The following BCAS3 variants were observed in gnomAD, a reference collection of about 807,000 sequenced individuals.
BCAS3 encodes the protein BCAS3 microtubule associated cell migration factor, also known as BCAS4/BCAS3 fusion.
A neutral mutation model predicts 116.1 loss-of-function variants in BCAS3; 53 were observed. The observed-to-expected ratio is 0.46, with a 90% CI of 0.37 to 0.57. The LOEUF (loss-of-function observed/expected upper bound fraction) is 0.57. BCAS3 is among the 20% of genes least tolerant of loss of function. BCAS3 has a pLI of 0.00. For missense variants in BCAS3, 917 were observed against 1,165.4 expected (o/e 0.79, Z 3.10); for synonymous variants, 391 against 408.2 (o/e 0.96, Z 0.51).
chr17:60,898,180 T>C (rs1347572529), intron 10 of BCAS3, among the ~76,000 whole-genome samples: 1 of 152,192 alleles, frequency 6.6e-6, no homozygotes, highest in Non-Finnish European at 1.5e-5. Context: ...AATTATTATT[T>C]TGAGTCCTAT....
chr17:60,826,331 GCAC>G (rs1471254646), intron 7 of BCAS3, among the ~76,000 whole-genome samples: 1 of 152,016 alleles, frequency 6.6e-6, no homozygotes, highest in Non-Finnish European at 1.5e-5. Context: ...TTACATGAGT[GCAC>G]CACCATGTGC....
At chr17:60,966,177 G>A (rs1209061325) in intron 14 of BCAS3, among the ~76,000 whole-genome samples, 1 of 152,136 alleles carries the variant, frequency 6.6e-6, no homozygotes, top group Non-Finnish European at 1.5e-5. Context: ...GATACGTGGA[G>A]TATCTTTTCT....
chr17:61,046,022 ATT>A (rs1491515943), intron 19 of BCAS3, among the ~76,000 whole-genome samples: 1 of 11,798 alleles, frequency 8.5e-5, no homozygotes, highest in Non-Finnish European at 1.2e-4. Flanking sequence ...TTATATATAT[ATT>A]ATATATATAT....
rs934284886 is a variant in BCAS3, at chr17:60,897,896, T to A, written c.739-4724T>A. Among the ~76,000 whole-genome samples the A allele has an allele frequency of 5.7e-5, 8 of 139,458 alleles. No individual in the cohort carries two copies. In the East Asian group the frequency reaches 7.9e-4, roughly 14 times the overall value. 91.5% of individuals were successfully genotyped at this position (139,458 alleles called of 152,430 possible). ...ACACCAGGCTAATTTTTTTAATTTT[T>A]ATTTTATTTTTATTTTTTTTTTTGG... On this transcript the variant is annotated intron_variant, in intron 10 of 23. Coordinates refer to ENST00000407086, the MANE Select transcript of BCAS3 (RefSeq NM_017679.5).
intron 12 of BCAS3, among the ~76,000 whole-genome samples, chr17:60,918,658 C>G (rs192765432): frequency 5.8e-4 from 86 of 147,042 alleles, no homozygotes; most frequent in African/African-American, 2.1e-3. Context: ...TCTCTTTCTT[C>G]TGTTTCATCT....
At chr17:60,925,189 G>A (rs1464986089) in intron 13 of BCAS3, among the ~76,000 whole-genome samples, 2 of 151,890 alleles carry the variant, frequency 1.3e-5, no homozygotes, top group South Asian at 4.2e-4. Context: ...CCAAAGTATT[G>A]CCACGATGCT....
chr17:61,234,876 T>C (rs1423624664), intron 22 of BCAS3, among the ~76,000 whole-genome samples: 1 of 113,448 alleles, frequency 8.8e-6, no homozygotes, highest in South Asian at 3.5e-4. Flanking sequence ...TCCTAAGCAC[T>C]TTATTTATTT....
intron 21 of BCAS3, among the ~76,000 whole-genome samples, chr17:61,079,343 C>T (rs905035979): frequency 3.9e-5 from 6 of 152,072 alleles, no homozygotes; most frequent in African/African-American, 1.4e-4. Context: ...AGTGGAAATA[C>T]GTTTTTGTCT....
In BCAS3 at chr17:60,829,969, G is replaced by A. The variant is rs369291159; in HGVS notation, c.476+21893G>A. On this transcript the variant is annotated intron_variant, in intron 7 of 23. Coordinates refer to ENST00000407086, the MANE Select transcript of BCAS3 (RefSeq NM_017679.5). The stretch of plus-strand genomic sequence containing the variant: ...TAATTTCTCTTCCTAGTATTCAAAT[G>A]TTGAGCACTTTTTAAAAATTTGTAT... Among the ~76,000 whole-genome samples the A allele has an allele frequency of 1.1e-4, 16 of 152,112 alleles. No individual in the cohort carries two copies. In the East Asian group the frequency reaches 3.1e-3, roughly 29 times the overall value.
At chr17:60,896,137 C>A (rs1418198037) in intron 10 of BCAS3, among the ~76,000 whole-genome samples, 2 of 152,056 alleles carry the variant, frequency 1.3e-5, no homozygotes, top group African/African-American at 2.4e-5. Context: ...ACCAGCCTGG[C>A]CAACATGGCA....
At chr17:61,311,707 AC>A (rs1359582369) in intron 22 of BCAS3, among the ~76,000 whole-genome samples, 1 of 152,184 alleles carries the variant, frequency 6.6e-6, no homozygotes, top group Non-Finnish European at 1.5e-5. Context: ...ATCCTGGCCA[AC>A]ACAGTGAAAC....
chr17:60,871,606 G>GT (rs576443532), intron 8 of BCAS3, among the ~76,000 whole-genome samples: 1,639 of 131,182 alleles, frequency 0.012, 6 homozygotes, highest in African/African-American at 0.016. Context: ...GTTTGTTTTT[G>GT]TTTTTTTTTT....
chr17:60,799,735 T>C (rs28785324), intron 6 of BCAS3, among the ~76,000 whole-genome samples: 1 of 100,498 alleles, frequency 1.0e-5, no homozygotes, highest in African/African-American at 3.5e-5. Context: ...TTTTTTTTTT[T>C]AGTAGAACTG....
At chr17:61,086,831 C>T (rs1466400528) in intron 22 of BCAS3, 2 of 985,384 alleles carry the variant, frequency 2.0e-6, no homozygotes, top group Non-Finnish European at 2.4e-6. Flanking sequence ...ATGAGTAATT[C>T]TCTCTTCAGC....
intron 22 of BCAS3, among the ~76,000 whole-genome samples, chr17:61,167,042 C>T (rs2078549559): frequency 6.6e-6 from 1 of 152,190 alleles, no homozygotes; most frequent in Non-Finnish European, 1.5e-5. Context: ...CTACCACGCC[C>T]AGCCGAGCAC....
At position 61,141,043 on chromosome 17, in the gene BCAS3, T is replaced by C. The variant is rs1460398471; in HGVS notation, c.2425+56479T>C. On this transcript the variant is annotated intron_variant, in intron 22 of 23. Transcript: ENST00000407086. The surrounding 1 kb of genome is among the most constrained non-coding windows in gnomAD (Gnocchi z 4.3). ...TCTACTTTTCATTATCATGTCTCTT[T>C]ATCCTGATTCACCTGTACAGCGGGA... 9.9e-5 allele frequency among the ~76,000 whole-genome samples: 15 copies of C among 152,144 alleles called. No individual in the cohort carries two copies. Among genetic ancestry groups the C allele is most frequent in the Admixed American group, 9.8e-4 (15 of 15,272 alleles).
Position 61,300,208 on chromosome 17 carries a change from A to T in BCAS3, c.2426-68119A>T, listed in dbSNP as rs376656191. The stretch of plus-strand genomic sequence containing the variant: ...AAACAGCCAGCCAGTCTTCTATGAG[A>T]AAGATGTCACTTGCCACATACAGTC... On this transcript the variant is annotated intron_variant, in intron 22 of 23. Coordinates refer to ENST00000407086, the MANE Select transcript of BCAS3 (RefSeq NM_017679.5). The surrounding 1 kb of genome is among the most constrained non-coding windows in gnomAD (Gnocchi z 5.1). Among the ~76,000 whole-genome samples the T allele has an allele frequency of 2.0e-4, 31 of 152,316 alleles. No homozygotes were observed. The highest frequency in any genetic ancestry group is 6.7e-4 in the African/African-American group (28 of 41,570).
intron 9 of BCAS3, chr17:60,887,425 G>A (rs1005385000): frequency 6.5e-6 from 1 of 153,654 alleles, no homozygotes. Context: ...CGTTGCTCAC[G>A]CTGGGAGCTG....
chr17:60,761,350 T>C (rs2043508377), intron 6 of BCAS3, among the ~76,000 whole-genome samples: 1 of 152,046 alleles, frequency 6.6e-6, no homozygotes, highest in Non-Finnish European at 1.5e-5. Flanking sequence ...CTCCTAATGC[T>C]CTCCCGCCCC....
Sources: gnomAD v4.1 joint callset for allele counts (sites outside exome capture counted in the v4.1 genomes callset) on GRCh38, gnomAD v4.1.1 for gene constraint, Gnocchi (gnomAD v3.1) non-coding constraint, MANE v1.5 for transcripts, NCBI Gene and HGNC (gene_info 2026-07-23, HGNC 2026-07-21) for gene names.